SLC1A3: variants seen among roughly 807,000 people sequenced by gnomAD.
SLC1A3 encodes the protein excitatory amino acid transporter 1.
SLC1A3 carries 21 observed loss-of-function variants against 48.1 expected under a neutral mutation model. The observed-to-expected ratio is 0.44, with a 90% CI of 0.31 to 0.63. The LOEUF (loss-of-function observed/expected upper bound fraction) is 0.63, where lower values mean the gene tolerates loss of function less well. Among genes scored for constraint, SLC1A3 ranks in the 20% least tolerant of loss-of-function variants. The pLI, the probability that SLC1A3 is intolerant of heterozygous loss-of-function variation, is 0.08. For synonymous variants in SLC1A3, 239 were observed against 251.4 expected (o/e 0.95, Z 0.47); for missense variants, 546 against 689.0 (o/e 0.79, Z 2.32).
At chr5:36,632,524 G>A (rs1395235435) in intron 3 of SLC1A3, among the ~76,000 whole-genome samples, 2 of 152,192 alleles carry the variant, frequency 1.3e-5, no homozygotes, top group Non-Finnish European at 2.9e-5. Context: ...TAACTGCATT[G>A]TGTAGTAGCC....
chr5:36,636,793 A>G (rs1171450443), intron 3 of SLC1A3, among the ~76,000 whole-genome samples: 4 of 151,924 alleles, frequency 2.6e-5, no homozygotes, highest in Non-Finnish European at 2.9e-5. Flanking sequence ...TTCCCTTTCG[A>G]AGGGAGCTTG....
intron 3 of SLC1A3, among the ~76,000 whole-genome samples, chr5:36,639,519 C>A (rs1212536775): frequency 6.6e-6 from 1 of 152,198 alleles, no homozygotes; most frequent in Non-Finnish European, 1.5e-5. Flanking sequence ...TCAAATAATT[C>A]TGCAGTAAAC....
At chr5:36,654,391 T>G (rs3776579) in intron 3 of SLC1A3, among the ~76,000 whole-genome samples, 8,685 of 152,294 alleles carry the variant, frequency 0.057, 268 homozygotes, top group East Asian at 0.09. Flanking sequence ...ACTTGACTTC[T>G]TAACACAGTT....
At chr5:36,662,679 G>T (rs1381201869) in intron 3 of SLC1A3, among the ~76,000 whole-genome samples, 1 of 152,232 alleles carries the variant, frequency 6.6e-6, no homozygotes, top group African/African-American at 2.4e-5. Flanking sequence ...GCCGGCAGCT[G>T]TGGGCCTCTG....
Position 36,685,958 on chromosome 5 carries a change from C to T in SLC1A3, c.1425-107C>T, listed in dbSNP as rs138472552. On this transcript the variant is annotated intron_variant, in intron 9 of 9. Coordinates refer to ENST00000265113, the MANE Select transcript of SLC1A3 (RefSeq NM_004172.5). Reference sequence around the variant, plus strand: ...GTAATCTTGCAGTTGGTAGATACGGCGAACTGAATGTTAAGAGGTGCTTCG... The same window carrying T: ...GTAATCTTGCAGTTGGTAGATACGGTGAACTGAATGTTAAGAGGTGCTTCG... 6,861 of 823,564 alleles carry T rather than the reference C, an allele frequency of 8.3e-3. 303 individuals are homozygous for T. In the Admixed American group the frequency reaches 0.089, roughly 11 times the overall value. The allele number at this position is 823,564 out of a possible 1,614,324, so 51.0% of individuals were successfully genotyped here.
chr5:36,664,959 G>A (rs546933598), intron 3 of SLC1A3, among the ~76,000 whole-genome samples: 7 of 152,222 alleles, frequency 4.6e-5, no homozygotes, highest in Non-Finnish European at 8.8e-5. Flanking sequence ...CCAGCCTCCT[G>A]GCCTTCCTGA....
intron 3 of SLC1A3, chr5:36,666,160 A>T (rs925192783): frequency 6.6e-6 from 1 of 152,122 alleles, no homozygotes; most frequent in African/African-American, 2.4e-5. Context: ...AGCAGTGGGC[A>T]GCTGCCTAGG....
chr5:36,636,315 G>GGTA (rs1418031476), intron 3 of SLC1A3: 2 of 152,082 alleles, frequency 1.3e-5, no homozygotes, highest in Non-Finnish European at 2.9e-5. Flanking sequence ...CAGTGACATG[G>GGTA]GTAGTATCAT....
intron 3 of SLC1A3, among the ~76,000 whole-genome samples, chr5:36,647,617 T>C (rs1448427244): frequency 6.6e-6 from 1 of 152,222 alleles, no homozygotes; most frequent in Admixed American, 6.5e-5. Context: ...CCATTCCACC[T>C]ATCAGTCTTC....
At chr5:36,609,131 A>G (rs1739091128) in intron 2 of SLC1A3, 1 of 986,018 alleles carries the variant, frequency 1.0e-6, no homozygotes. Flanking sequence ...GGAAAGGTAG[A>G]TTGGGGAAAA....
intron 3 of SLC1A3, among the ~76,000 whole-genome samples, chr5:36,659,599 G>A (rs1041041101): frequency 2.6e-5 from 4 of 152,130 alleles, no homozygotes; most frequent in Non-Finnish European, 5.9e-5. Flanking sequence ...AAGCAGCCCT[G>A]GAGTTCATGT....
Position 36,686,254 on chromosome 5 carries a change from T to A in SLC1A3, c.1614T>A (p.Ser538Arg). The A allele has an allele frequency of 6.2e-7, 1 of 1,612,874 alleles. No homozygotes were observed. The highest frequency in any genetic ancestry group is 8.5e-7 in the Non-Finnish European group (1 of 1,178,800). Residue 538 changes from serine to arginine, a missense_variant, in exon 10 of 10, where the codon AGT becomes AGA. Physicochemically the swap from Ser to Arg is moderately radical, Grantham distance 110. This residue lies in a region of SLC1A3 where 56 missense variants were observed against 59.0 expected (regional missense o/e 0.95). Coordinates refer to ENST00000265113, the MANE Select transcript of SLC1A3 (RefSeq NM_004172.5). The stretch of plus-strand genomic sequence containing the variant: ...ATGAAACTGAGAAACCCATCGACAG[T>A]GAAACCAAGATGTAGACTAACATAA... ...QDNETEKPID[S>R]ETKM
intron 6 of SLC1A3, among the ~76,000 whole-genome samples, chr5:36,678,219 A>G (rs1423202259): frequency 6.6e-6 from 1 of 152,246 alleles, no homozygotes; most frequent in Admixed American, 6.5e-5. Context: ...TTTAATGCCA[A>G]CAAAGCCCAG....
At chr5:36,604,218 T>C (rs1195332792), upstream of SLC1A3, among the ~76,000 whole-genome samples, 2 of 152,168 alleles carry the variant, frequency 1.3e-5, no homozygotes, top group Non-Finnish European at 2.9e-5. Context: ...TTGATAATAC[T>C]AACATTAATA....
At chr5:36,599,759 G>T (rs1017994044) in intron 1 of SLC1A3, among the ~76,000 whole-genome samples, 1 of 151,854 alleles carries the variant, frequency 6.6e-6, no homozygotes, top group Non-Finnish European at 1.5e-5. Flanking sequence ...ACCCGCTTAG[G>T]CCTCTCAAAG....
Position 36,615,288 on chromosome 5 carries a change from C to T in SLC1A3, c.181+6684C>T, listed in dbSNP as rs567139177. 4.6e-5 allele frequency among the ~76,000 whole-genome samples: 7 copies of T among 152,334 alleles called. No homozygotes were observed. In the South Asian group the frequency reaches 1.0e-3, roughly 23 times the overall value. Reference sequence around the variant, plus strand: ...AGTAAGTTTGGACTAATGTCTGCTTCCAACTCCAAAATTCTATCATTTTAA... The same window carrying T: ...AGTAAGTTTGGACTAATGTCTGCTTTCAACTCCAAAATTCTATCATTTTAA... On this transcript the variant is annotated intron_variant, in intron 2 of 9. Transcript: ENST00000265113.
intron 3 of SLC1A3, chr5:36,630,022 C>G (rs894294443): frequency 4.2e-6 from 1 of 235,692 alleles, no homozygotes; most frequent in African/African-American, 2.3e-5. Flanking sequence ...GAGCGGGAGC[C>G]TTCTTGGAAG....
chr5:36,610,874 A>G (rs1739166115), intron 2 of SLC1A3, among the ~76,000 whole-genome samples: 2 of 152,332 alleles, frequency 1.3e-5, no homozygotes, highest in Middle Eastern at 3.4e-3. Context: ...AAGCAGCAAG[A>G]AGAAGGCACT....
At chr5:36,640,331 T>G (rs143018320) in intron 3 of SLC1A3, among the ~76,000 whole-genome samples, 2,941 of 152,340 alleles carry the variant, frequency 0.019, 43 homozygotes, top group Non-Finnish European at 0.029. Context: ...TGAAGATCCT[T>G]GCAATAATCT....
Sources: gnomAD v4.1 joint callset for allele counts (sites outside exome capture counted in the v4.1 genomes callset) on GRCh38, gnomAD v4.1.1 for gene constraint, gnomAD v4.1.1 regional missense constraint, MANE v1.5 for transcripts, NCBI Gene and HGNC (gene_info 2026-07-23, HGNC 2026-07-21) for gene names.